The following NDUFB11 variants were observed in gnomAD, a reference collection of about 807,000 sequenced individuals.
The protein encoded by NDUFB11 is NADH:ubiquinone oxidoreductase subunit B11.
For synonymous variants in NDUFB11, 51 were observed against 57.4 expected (o/e 0.89, Z 0.51); for missense variants, 108 against 133.8 (o/e 0.81, Z 0.95).
upstream of NDUFB11, chrX:47,145,423 AG>A (rs1556761602): frequency 3.5e-6 from 4 of 1,149,111 alleles, no homozygotes; most frequent in African/African-American, 7.3e-5. Flanking sequence ...GGAGAGTTGG[AG>A]GAGGTGGCGG....
chrX:47,144,445 T>TTGCCCCCCCCCCCCCCC, intron 1 of NDUFB11, 28 bp downstream of exon 1: 1 of 61,005 alleles, frequency 1.6e-5, no homozygotes, highest in Non-Finnish European at 2.6e-5. Flanking sequence ...CCGTCCCCAC[T>TTGCCCCCCCCCCCCCCC]ACCCCCCCCC....
upstream of NDUFB11, chrX:47,145,326 G>A: frequency 1.3e-6 from 1 of 792,794 alleles, no homozygotes; most frequent in Middle Eastern, 3.2e-4. Flanking sequence ...TCCCTGGGAG[G>A]GCAGCGCGCT....
chrX:47,144,758 A>G (rs1343755464), upstream of NDUFB11: 9 of 910,940 alleles, frequency 9.9e-6, no homozygotes, highest in African/African-American at 2.0e-5. Context: ...GAGCGCGACA[A>G]TCATCGCCCC....
Position 47,144,469 on chromosome X carries a change from T to A in NDUFB11, c.207+4A>T. ...CTACCCCCCCCCCCCCCCCCGCCTC[T>A]CACCTTCTCATACAAGTTTTCGTCC... On this transcript the variant is annotated splice_donor_region_variant and intron_variant, in intron 1 of 2. Coordinates refer to ENST00000377811, the MANE Select transcript of NDUFB11 (RefSeq NM_001135998.3). The A allele has an allele frequency of 7.0e-6, 1 of 142,346 alleles. No individual in the cohort carries two copies. Among genetic ancestry groups the A allele is most frequent in the Non-Finnish European group, 9.7e-6 (1 of 103,483 alleles). 11.7% of individuals were successfully genotyped at this position (142,346 alleles called of 1,213,427 possible).
chrX:47,144,683 A>G lies in NDUFB11; in HGVS notation c.-4T>C. 8.7e-7 allele frequency: 1 copy of G among 1,151,524 alleles called. No individual in the cohort carries two copies. The highest frequency in any genetic ancestry group is 1.2e-6 in the Non-Finnish European group (1 of 863,218). The allele number at this position is 1,151,524 out of a possible 1,213,427, so 94.9% of individuals were successfully genotyped here. ...AACCAAACAGCCCAGCCGCCATGAC[A>G]GATGGTGCTGCAGGGTCTCAGGGGC... On this transcript the variant is annotated 5_prime_UTR_variant, in exon 1 of 3. Transcript: ENST00000377811.
intron 2 of NDUFB11, 70 bp from the exon 3 acceptor site, chrX:47,142,510 C>T: frequency 3.3e-6 from 4 of 1,204,312 alleles, no homozygotes; most frequent in Non-Finnish European, 4.5e-6. Context: ...TCTCAGCTCC[C>T]CATTCCCAAT....
chrX:47,144,344 T>C lies in NDUFB11; in HGVS notation c.207+129A>G, dbSNP rs782748945. ...AGGTAGGCAAAATTCCCAAGTCTTC[T>C]AGGCTTTCGCCGGCCGCGCAGTCCT... On this transcript the variant is annotated intron_variant, in intron 1 of 2. Coordinates refer to ENST00000377811, the MANE Select transcript of NDUFB11 (RefSeq NM_001135998.3). The C allele has an allele frequency of 9.9e-5, 47 of 475,462 alleles. 3 individuals are homozygous for C. The Middle Eastern group carries it at 5.9e-3, about 60-fold the overall frequency. 39.2% of individuals were successfully genotyped at this position (475,462 alleles called of 1,213,427 possible). A position where few individuals can be genotyped will look rare whatever the true frequency, so the allele number is the denominator to read the frequency against.
Position 47,142,761 on chromosome X carries a change from G to A in NDUFB11, c.208-17C>T. Reference sequence around the variant, plus strand: ...GTCTGGGTTCTGTGGAGAAATAGAGGTCAATGAGGGCTTCCTGCTGCTCCA... The same window carrying A: ...GTCTGGGTTCTGTGGAGAAATAGAGATCAATGAGGGCTTCCTGCTGCTCCA... On this transcript the variant is annotated splice_polypyrimidine_tract_variant and intron_variant, in intron 1 of 2. Coordinates refer to ENST00000377811, the MANE Select transcript of NDUFB11 (RefSeq NM_001135998.3). 1 of 1,201,609 alleles carries A rather than the reference G, an allele frequency of 8.3e-7. No homozygotes were observed. Among genetic ancestry groups the A allele is most frequent in the Non-Finnish European group, 1.1e-6 (1 of 890,075 alleles).
chrX:47,144,446 A>AGCCCC, intron 1 of NDUFB11, 27 bp downstream of exon 1: 2 of 53,653 alleles, frequency 3.7e-5, no homozygotes, highest in Non-Finnish European at 3.3e-5. Flanking sequence ...CGTCCCCACT[A>AGCCCC]CCCCCCCCCC....
upstream of NDUFB11, chrX:47,144,954 T>C: frequency 3.1e-6 from 1 of 325,249 alleles, no homozygotes; most frequent in Non-Finnish European, 5.4e-6. Flanking sequence ...GACATTTGGG[T>C]GGATACAGTT....
chrX:47,143,381 A>G (rs782213829), intron 1 of NDUFB11, among the ~76,000 whole-genome samples: 1 of 112,338 alleles, frequency 8.9e-6, no homozygotes, highest in Non-Finnish European at 1.9e-5. Flanking sequence ...ACACTGCTGT[A>G]TCCCCAGGGC....
At position 47,142,638 on chromosome X, in the gene NDUFB11, A is replaced by G. The variant is rs1556760667; in HGVS notation, c.314T>C (p.Phe105Ser). Reference sequence around the variant, plus strand: ...CCTGTAGTCAGGCAGATAGGCCACAAAGGTGCTGCCAAGGACCAGGATGAT... The same window carrying G: ...CCTGTAGTCAGGCAGATAGGCCACAGAGGTGCTGCCAAGGACCAGGATGAT... ...VSIILVLGST[F>S]VAYLPDYRMK... The change falls in exon 2 of 3, where the codon TTT (phenylalanine) becomes TCT (serine). Residue 105 changes from phenylalanine to serine, a missense_variant. Transcript: ENST00000377811. 1 of 1,212,001 alleles carries G rather than the reference A, an allele frequency of 8.3e-7. No homozygotes were observed. Among genetic ancestry groups the G allele is most frequent in the Non-Finnish European group, 1.1e-6 (1 of 895,572 alleles).
Position 47,142,255 on chromosome X carries a change from G to A in NDUFB11, c.*62C>T. 3 of 1,170,897 alleles carry A rather than the reference G, an allele frequency of 2.6e-6. No individual in the cohort carries two copies. Among genetic ancestry groups the A allele is most frequent in the Non-Finnish European group, 2.3e-6 (2 of 876,804 alleles). On this transcript the variant is annotated 3_prime_UTR_variant, in exon 3 of 3. Coordinates refer to ENST00000377811, the MANE Select transcript of NDUFB11 (RefSeq NM_001135998.3). ...CCTTTAATTAGGTGCTCTGAGAAGA[G>A]GTCAGAATGGCAGGCAGGGGGTGGG...
chrX:47,144,789 G>A (rs1268811563), upstream of NDUFB11: 11 of 726,576 alleles, frequency 1.5e-5, no homozygotes, highest in Non-Finnish European at 7.6e-6. Flanking sequence ...CGCTATATAG[G>A]TCCCAGATCT....
At chrX:47,143,468 C>G (rs1931840978) in intron 1 of NDUFB11, among the ~76,000 whole-genome samples, 1 of 111,853 alleles carries the variant, frequency 8.9e-6, no homozygotes, top group South Asian at 3.7e-4. Flanking sequence ...TATCCAAGCC[C>G]CTTAACCAGA....
intron 1 of NDUFB11, 28 bp downstream of exon 1, chrX:47,144,445 T>TTGC: frequency 1.6e-5 from 1 of 61,005 alleles, no homozygotes; most frequent in Non-Finnish European, 2.6e-5. Context: ...CCGTCCCCAC[T>TTGC]ACCCCCCCCC....
chrX:47,143,700 TACAG>T (rs1439035297), intron 1 of NDUFB11, among the ~76,000 whole-genome samples: 1 of 112,118 alleles, frequency 8.9e-6, no homozygotes, highest in African/African-American at 3.2e-5. Context: ...GTTCCCATCT[TACAG>T]ACAAAGAAAC....
upstream of NDUFB11, chrX:47,144,932 G>A (rs188262684): frequency 4.7e-4 from 155 of 330,755 alleles, no homozygotes; most frequent in Non-Finnish European, 7.4e-4. Context: ...TCCTGCATAG[G>A]AAGAAATCGG....
At position 47,144,482 on chromosome X, in the gene NDUFB11, C is replaced by T. The variant is rs1322948102; in HGVS notation, c.198G>A (p.Leu66=). 1 of 459,217 alleles carries T rather than the reference C, an allele frequency of 2.2e-6. No individual in the cohort carries two copies. Among genetic ancestry groups the T allele is most frequent in the Non-Finnish European group, 2.9e-6 (1 of 343,502 alleles). 37.8% of individuals were successfully genotyped at this position (459,217 alleles called of 1,213,427 possible). A position where few individuals can be genotyped will look rare whatever the true frequency, so the allele number is the denominator to read the frequency against. Residue 66 remains leucine, a synonymous_variant, in exon 1 of 3, where the codon TTG becomes TTA. Transcript: ENST00000377811. The part of the protein sequence containing the change: ...QEDPEPEDEN[L]YEKNPDSHGY... ...CCCCCCCGCCTCTCACCTTCTCATA[C>T]AAGTTTTCGTCCTCGGGTTCTGGGT...
Sources: allele counts gnomAD v4.1 joint callset (sites outside exome capture counted in the v4.1 genomes callset), GRCh38; gene constraint gnomAD v4.1.1; transcripts MANE v1.5; gene names NCBI Gene and HGNC (gene_info 2026-07-23, HGNC 2026-07-21).